SEMA3D: variants seen among roughly 807,000 people sequenced by gnomAD.
The protein encoded by SEMA3D is semaphorin 3D.
In SEMA3D, 84 loss-of-function variants were observed where a neutral mutation model predicts 100.1. That is an observed-to-expected ratio of 0.84 (90% CI 0.70 to 1.01). SEMA3D has a LOEUF of 1.01. Ranked by LOEUF, SEMA3D falls within the 50% of genes least tolerant of loss-of-function variation. The pLI, the probability that SEMA3D is intolerant of heterozygous loss-of-function variation, is 0.00. For missense variants in SEMA3D, 875 were observed against 934.1 expected, an observed-to-expected ratio of 0.94 and a Z score of 0.82; for synonymous variants, 312 against 320.7, an observed-to-expected ratio of 0.97 and a Z score of 0.29.
At chr7:85,146,572 T>C (rs1044605498) in intron 2 of SEMA3D, among the ~76,000 whole-genome samples, 1 of 151,252 alleles carries the variant, frequency 6.6e-6, no homozygotes, top group Non-Finnish European at 1.5e-5. Flanking sequence ...TATATATATA[T>C]ATTTTTTACT....
At chr7:85,051,971 C>A (rs1433013588) in intron 9 of SEMA3D, among the ~76,000 whole-genome samples, 1 of 151,730 alleles carries the variant, frequency 6.6e-6, no homozygotes, top group Non-Finnish European at 1.5e-5. Context: ...ATCTACATGG[C>A]GATTGTATTG....
In SEMA3D at chr7:85,121,878, T is replaced by C; in HGVS notation, c.14A>G (p.Lys5Arg). Residue 5 changes from lysine to arginine, a missense_variant, in exon 3 of 19, where the codon AAA becomes AGA. Physicochemically the swap from Lys to Arg is conservative, Grantham distance 26 (BLOSUM62 2). Coordinates refer to ENST00000284136, the MANE Select transcript of SEMA3D (RefSeq NM_001384900.1). MNANKDERLKARSQD... is the reference protein window; with the variant it reads MNANRDERLKARSQD... Reference sequence around the variant, plus strand: ...GCTTCTGGCTTTAAGTCTTTCATCTTTATTAGCATTCATGATGAAAACAAT... The same window carrying C: ...GCTTCTGGCTTTAAGTCTTTCATCTCTATTAGCATTCATGATGAAAACAAT... 6.3e-7 allele frequency: 1 copy of C among 1,577,438 alleles called. No homozygotes were observed. Among genetic ancestry groups the C allele is most frequent in the Non-Finnish European group, 8.7e-7 (1 of 1,155,532 alleles).
At chr7:85,179,594 G>C (rs1017480097) in intron 1 of SEMA3D, among the ~76,000 whole-genome samples, 1 of 151,732 alleles carries the variant, frequency 6.6e-6, no homozygotes, top group Non-Finnish European at 1.5e-5. Flanking sequence ...TAACTAACTT[G>C]CTTTTGATTT....
At position 85,012,578 on chromosome 7, in the gene SEMA3D, T is replaced by C. The variant is rs191236863; in HGVS notation, c.1768+204A>G. On this transcript the variant is annotated intron_variant, in intron 17 of 18. Coordinates refer to ENST00000284136, the MANE Select transcript of SEMA3D (RefSeq NM_001384900.1). ...AATTTTAAAAGACATATGAAACAAA[T>C]AATGATATAACAAAGGATTATTCAA... 1.7e-4 allele frequency among the ~76,000 whole-genome samples: 26 copies of C among 151,878 alleles called. No individual in the cohort carries two copies. In the East Asian group the frequency reaches 5.1e-3, roughly 30 times the overall value.
intron 1 of SEMA3D, among the ~76,000 whole-genome samples, chr7:85,166,733 T>A (rs1790917632): frequency 6.6e-6 from 1 of 151,892 alleles, no homozygotes; most frequent in African/African-American, 2.4e-5. Context: ...AGATGACTGA[T>A]GTGTAAAGTT....
intron 1 of SEMA3D, among the ~76,000 whole-genome samples, chr7:85,180,726 C>T (rs1791377759): frequency 6.6e-6 from 1 of 152,110 alleles, no homozygotes; most frequent in Non-Finnish European, 1.5e-5. Context: ...TTCAGATTCT[C>T]TTTGTTTTAA....
the SEMA3D span, among the ~76,000 whole-genome samples, chr7:85,195,940 G>A: frequency 6.6e-6 from 1 of 152,068 alleles, no homozygotes; most frequent in African/African-American, 2.4e-5. Context: ...CATAGTTCAT[G>A]GAACACTTAG....
intron 2 of SEMA3D, among the ~76,000 whole-genome samples, chr7:85,130,250 A>G (rs1789688135): frequency 6.6e-6 from 1 of 152,140 alleles, no homozygotes; most frequent in Non-Finnish European, 1.5e-5. Context: ...AACATTTTAA[A>G]TTCAACAATT....
At chr7:85,209,959 T>C in the SEMA3D span, among the ~76,000 whole-genome samples, 1 of 152,018 alleles carries the variant, frequency 6.6e-6, no homozygotes, top group African/African-American at 2.4e-5. Context: ...AGAACACCAG[T>C]AGTGGAGTGA....
At chr7:85,205,618 A>G in the SEMA3D span, among the ~76,000 whole-genome samples, 1 of 152,004 alleles carries the variant, frequency 6.6e-6, no homozygotes, top group Non-Finnish European at 1.5e-5. Flanking sequence ...AAAAAATCAA[A>G]CCCTGGGACA....
chr7:85,007,997 C>T (rs1789846989), intron 17 of SEMA3D, among the ~76,000 whole-genome samples: 1 of 151,782 alleles, frequency 6.6e-6, no homozygotes, highest in Admixed American at 6.6e-5. Flanking sequence ...GAATTAACCT[C>T]ATCTAACCTT....
chr7:85,139,711 C>T (rs1789985948), intron 2 of SEMA3D, among the ~76,000 whole-genome samples: 1 of 151,900 alleles, frequency 6.6e-6, no homozygotes, highest in Non-Finnish European at 1.5e-5. Flanking sequence ...TTAACTATGA[C>T]ATGGCATTGG....
chr7:85,052,366 T>TA (rs1382343801), intron 9 of SEMA3D, among the ~76,000 whole-genome samples: 2 of 151,938 alleles, frequency 1.3e-5, no homozygotes, highest in African/African-American at 4.8e-5. Flanking sequence ...TCAACCAACT[T>TA]ACCACTCTAA....
At chr7:85,036,669 G>A (rs781369876) in intron 12 of SEMA3D, among the ~76,000 whole-genome samples, 15 of 151,806 alleles carry the variant, frequency 9.9e-5, no homozygotes, top group Non-Finnish European at 1.5e-4. Context: ...CATTGTCCCC[G>A]TGGTTAGATA....
intron 3 of SEMA3D, among the ~76,000 whole-genome samples, chr7:85,119,641 G>C (rs969489287): frequency 5.9e-5 from 9 of 152,126 alleles, no homozygotes; most frequent in Non-Finnish European, 1.3e-4. Context: ...AGAGGATCAG[G>C]AAAAATAACT....
the SEMA3D span, among the ~76,000 whole-genome samples, chr7:85,198,822 T>C: frequency 7.5e-6 from 1 of 133,448 alleles, no homozygotes; most frequent in Non-Finnish European, 1.6e-5. Flanking sequence ...CTAATTATTT[T>C]CTTTTTGCTC....
chr7:85,047,297 T>C (rs1461391068), intron 9 of SEMA3D, among the ~76,000 whole-genome samples: 1 of 151,952 alleles, frequency 6.6e-6, no homozygotes, highest in Non-Finnish European at 1.5e-5. Flanking sequence ...TAGCATCTAC[T>C]GATAGGTAGA....
At chr7:85,113,966 ATAT>A (rs1356196970) in intron 3 of SEMA3D, among the ~76,000 whole-genome samples, 1 of 152,068 alleles carries the variant, frequency 6.6e-6, no homozygotes, top group East Asian at 1.9e-4. Context: ...TTTAAAACCA[ATAT>A]TATTTTTTAT....
chr7:85,139,290 C>T (rs1789973214), intron 2 of SEMA3D, among the ~76,000 whole-genome samples: 1 of 151,998 alleles, frequency 6.6e-6, no homozygotes, highest in African/African-American at 2.4e-5. Context: ...AGCAGAGCCA[C>T]TGGGTTAAAT....
Sources: gnomAD v4.1 joint callset for allele counts (sites outside exome capture counted in the v4.1 genomes callset) on GRCh38, gnomAD v4.1.1 for gene constraint, MANE v1.5 for transcripts, NCBI Gene and HGNC (gene_info 2026-07-23, HGNC 2026-07-21) for gene names.